The following USP26 variants were observed in gnomAD, a reference collection of about 807,000 sequenced individuals.
The protein encoded by USP26 is ubiquitin carboxyl-terminal hydrolase 26.
For missense variants in USP26, 649 were observed against 642.3 expected (o/e 1.01, Z -0.11); for synonymous variants, 236 against 240.6 (o/e 0.98, Z 0.18).
intron 5 of USP26, among the ~76,000 whole-genome samples, chrX:133,076,929 T>C (rs2067550974): frequency 8.9e-6 from 1 of 112,282 alleles, no homozygotes; most frequent in African/African-American, 3.2e-5. Context: ...AATAAATGTG[T>C]ATTATTTTAA....
At chrX:133,047,709 T>C (rs2067445531) in intron 5 of USP26, among the ~76,000 whole-genome samples, 1 of 111,269 alleles carries the variant, frequency 9.0e-6, no homozygotes, top group Non-Finnish European at 1.9e-5. Flanking sequence ...GCAGAGGCCT[T>C]ATGACTGGAA....
At chrX:133,082,191 C>T (rs2067572448) in intron 5 of USP26, among the ~76,000 whole-genome samples, 1 of 111,837 alleles carries the variant, frequency 8.9e-6, no homozygotes, top group African/African-American at 3.3e-5. Flanking sequence ...TTCCTGTTTG[C>T]TTTATTGTCA....
At chrX:133,073,022 G>A (rs957680472) in intron 5 of USP26, among the ~76,000 whole-genome samples, 3 of 111,670 alleles carry the variant, frequency 2.7e-5, no homozygotes, top group Non-Finnish European at 5.6e-5. Context: ...TTAAAACTAG[G>A]ATAAATAATT....
intron 1 of USP26, among the ~76,000 whole-genome samples, chrX:133,096,503 A>T (rs2067631034): frequency 8.9e-6 from 1 of 111,934 alleles, no homozygotes; most frequent in Non-Finnish European, 1.9e-5. Context: ...TAAAAGAAAG[A>T]AATACAAACA....
rs148172016 is a variant in USP26 at position 133,042,147 on chromosome X, C to A, written c.-76-13851G>T. On this transcript the variant is annotated intron_variant, in intron 5 of 5. Coordinates refer to ENST00000511190, the MANE Select transcript of USP26 (RefSeq NM_031907.3). Reference sequence around the variant, plus strand: ...CAGTGGTTCTTAGCTTGCTGGGCTCCATGGGACCGGGACCCACTGAGTGAG... The same window carrying A: ...CAGTGGTTCTTAGCTTGCTGGGCTCAATGGGACCGGGACCCACTGAGTGAG... 1.6e-3 allele frequency among the ~76,000 whole-genome samples: 184 copies of A among 111,918 alleles called. 1 individual carries two copies. The highest frequency in any genetic ancestry group is 5.3e-3 in the African/African-American group (164 of 30,840).
At chrX:133,051,884 C>T (rs991317007) in intron 5 of USP26, among the ~76,000 whole-genome samples, 2 of 112,000 alleles carry the variant, frequency 1.8e-5, no homozygotes, top group Non-Finnish European at 3.8e-5. Flanking sequence ...ATTTTGACCG[C>T]CCAAGATACA....
intron 5 of USP26, among the ~76,000 whole-genome samples, chrX:133,066,414 A>C (rs1310448876): frequency 8.9e-6 from 1 of 111,936 alleles, no homozygotes; most frequent in Admixed American, 9.5e-5. Flanking sequence ...CCACATAACC[A>C]AGAGAATCCT....
chrX:133,032,402 T>C (rs1384853615), intron 5 of USP26, among the ~76,000 whole-genome samples: 8 of 111,603 alleles, frequency 7.2e-5, no homozygotes, highest in Admixed American at 1.9e-4. Context: ...CAGGTGGGAA[T>C]GGACTTGGCA....
chrX:133,046,736 T>A (rs1487396274), intron 5 of USP26, among the ~76,000 whole-genome samples: 2 of 112,214 alleles, frequency 1.8e-5, no homozygotes, highest in Admixed American at 1.9e-4. Context: ...TCCTGGAGTC[T>A]ATAACCCACT....
intron 4 of USP26, among the ~76,000 whole-genome samples, chrX:133,083,981 C>G (rs1169665287): frequency 1.8e-5 from 2 of 111,528 alleles, no homozygotes. Flanking sequence ...AGCAGAGCCT[C>G]TATCCTGACT....
intron 5 of USP26, among the ~76,000 whole-genome samples, chrX:133,040,946 C>T (rs1242014173): frequency 9.1e-6 from 1 of 109,807 alleles, no homozygotes; most frequent in East Asian, 2.9e-4. Context: ...GTAAGGTGAT[C>T]TTCATTCTGT....
In USP26 at chrX:133,090,770, A is replaced by C. The variant is rs752121139; in HGVS notation, c.-301-7T>G. On this transcript the variant is annotated splice_polypyrimidine_tract_variant and splice_region_variant and intron_variant, in intron 2 of 5. Transcript: ENST00000511190. ...ATAGAACAGAGACTATGACCTGGAC[A>C]GGCACAAGAGAGAGCATTTATTATA... 20 of 112,326 alleles carry C rather than the reference A, an allele frequency of 1.8e-4. No homozygotes were observed. Among genetic ancestry groups the C allele is most frequent in the African/African-American group, 5.8e-4 (18 of 30,984 alleles). 9.3% of individuals were successfully genotyped at this position (112,326 alleles called of 1,213,427 possible). A position where few individuals can be genotyped will look rare whatever the true frequency, so the allele number is the denominator to read the frequency against.
chrX:133,027,684 C>T lies in USP26; in HGVS notation c.537G>A (p.Lys179=). The T allele has an allele frequency of 8.3e-7, 1 of 1,208,484 alleles. No homozygotes were observed. Among genetic ancestry groups the T allele is most frequent in the African/African-American group, 1.7e-5 (1 of 57,800 alleles). The change falls in exon 6 of 6, where the codon AAG becomes AAA. Residue 179 remains lysine, a synonymous_variant. Transcript: ENST00000511190. ...AGCTAGATGAGAGCATTCTTTTCCT[C>T]TTCTTGTGCTGATTTTCTGATAACT... ...CGELSENQHK[K]RKRMLSSSSE...
intron 4 of USP26, among the ~76,000 whole-genome samples, chrX:133,084,230 A>C (rs2067580313): frequency 9.0e-6 from 1 of 111,104 alleles, no homozygotes; most frequent in Non-Finnish European, 1.9e-5. Context: ...ATTTAGTGTC[A>C]CTCTGTCACC....
rs778659724 is a variant in USP26 at position 133,028,272 on chromosome X, G to A, written c.-52C>T. On this transcript the variant is annotated 5_prime_UTR_variant, in exon 6 of 6. Transcript: ENST00000511190. ...ATCTCCGATTATTGATAATCTTGAA[G>A]TTCCAATCTGTTTTGCAAGTTCAGC... 1 of 1,184,984 alleles carries A rather than the reference G, an allele frequency of 8.4e-7. No individual in the cohort carries two copies. Among genetic ancestry groups the A allele is most frequent in the Non-Finnish European group, 1.1e-6 (1 of 873,437 alleles).
intron 5 of USP26, among the ~76,000 whole-genome samples, chrX:133,035,146 T>C (rs2067391692): frequency 9.0e-6 from 1 of 111,516 alleles, no homozygotes; most frequent in Non-Finnish European, 1.9e-5. Context: ...GGTTAAGTCA[T>C]GATACTGAAA....
chrX:133,055,870 G>A (rs986184879), intron 5 of USP26, among the ~76,000 whole-genome samples: 1 of 111,818 alleles, frequency 8.9e-6, no homozygotes, highest in African/African-American at 3.3e-5. Context: ...CAGATTAGAA[G>A]CCTACCTTTA....
chrX:133,031,265 T>C (rs2067375434), intron 5 of USP26, among the ~76,000 whole-genome samples: 1 of 111,629 alleles, frequency 9.0e-6, no homozygotes, highest in Non-Finnish European at 1.9e-5. Context: ...ACTATATGAG[T>C]TTCTAACCAT....
intron 5 of USP26, among the ~76,000 whole-genome samples, chrX:133,072,979 T>A (rs969578887): frequency 7.1e-5 from 8 of 112,238 alleles, no homozygotes; most frequent in African/African-American, 2.3e-4. Context: ...AAAAGTATTA[T>A]AAGCATTTAT....
Sources: allele counts gnomAD v4.1 joint callset (sites outside exome capture counted in the v4.1 genomes callset), GRCh38; gene constraint gnomAD v4.1.1; transcripts MANE v1.5; gene names NCBI Gene and HGNC (gene_info 2026-07-23, HGNC 2026-07-21).